The following CC2D2B variants were observed in gnomAD, a reference collection of about 807,000 sequenced individuals.
CC2D2B encodes the protein protein CC2D2B.
CC2D2B carries 128 observed loss-of-function variants against 161.2 expected under a neutral mutation model. The ratio of observed to expected loss-of-function variants is 0.79; its 90% CI spans 0.69 to 0.92. CC2D2B has a LOEUF of 0.92. CC2D2B is among the 40% of genes least tolerant of loss of function. The pLI is 0.00. For synonymous variants in CC2D2B, 391 were observed against 449.8 expected, an observed-to-expected ratio of 0.87 and a Z score of 1.65; for missense variants, 1,173 against 1,375.1, an observed-to-expected ratio of 0.85 and a Z score of 2.32.
intron 17 of CC2D2B, among the ~76,000 whole-genome samples, chr10:95,978,082 T>G (rs2077382959): frequency 6.6e-6 from 1 of 152,148 alleles, no homozygotes; most frequent in Non-Finnish European, 1.5e-5. Flanking sequence ...ATATTATGTA[T>G]CTTTAACCTT....
At chr10:96,025,211 A>ATATGTATG (rs1564684647) in intron 33 of CC2D2B, among the ~76,000 whole-genome samples, 1 of 130,188 alleles carries the variant, frequency 7.7e-6, no homozygotes, top group African/African-American at 3.0e-5. Context: ...ATATATATAT[A>ATATGTATG]TATATATATA....
In CC2D2B at chr10:96,009,541, A is replaced by G. The variant is rs912205003; in HGVS notation, c.2947-284A>G. Among the ~76,000 whole-genome samples, 68 of 152,274 alleles carry G rather than the reference A, an allele frequency of 4.5e-4. 1 individual carries two copies. Among genetic ancestry groups the G allele is most frequent in the African/African-American group, 1.6e-3 (66 of 41,562 alleles). On this transcript the variant is annotated intron_variant, in intron 25 of 34. Transcript: ENST00000646931. ...TGTAAGAGCAGGATACTATAATATA[A>G]TGCCTCCATTTCCCCTTCCTTGCAT...
At chr10:95,939,301 ATTG>A (rs1357859386) in intron 9 of CC2D2B, among the ~76,000 whole-genome samples, 2 of 152,128 alleles carry the variant, frequency 1.3e-5, no homozygotes, top group Non-Finnish European at 2.9e-5. Context: ...GGTACTCTAT[ATTG>A]TTGTGTACAG....
At chr10:95,968,037 C>T (rs781728144) in intron 14 of CC2D2B, among the ~76,000 whole-genome samples, 7 of 152,292 alleles carry the variant, frequency 4.6e-5, no homozygotes, top group Non-Finnish European at 7.4e-5. Flanking sequence ...AATTAAACAA[C>T]GAATGAAAGA....
At chr10:95,999,745 C>CT (rs746798457) in intron 24 of CC2D2B, 4,003 of 175,142 alleles carry the variant, frequency 0.023, 61 homozygotes, top group East Asian at 0.06. Flanking sequence ...GTCCAGAGGT[C>CT]TTTTTTTTTT....
At chr10:95,907,687 A>G (rs1337291423), upstream of CC2D2B, 2 of 152,436 alleles carry the variant, frequency 1.3e-5, no homozygotes, top group African/African-American at 4.8e-5. Flanking sequence ...CTTCTTCTTC[A>G]CCAGGACGAG....
chr10:95,965,358 A>G (rs971822346), intron 12 of CC2D2B, among the ~76,000 whole-genome samples: 1 of 152,120 alleles, frequency 6.6e-6, no homozygotes, highest in Non-Finnish European at 1.5e-5. Context: ...AGTAAGTACT[A>G]TATAAGGATT....
At chr10:95,920,210 A>C (rs2098524195) in intron 2 of CC2D2B, 1 of 152,220 alleles carries the variant, frequency 6.6e-6, no homozygotes. Context: ...GCACTGCTAT[A>C]AAGATAGTAC....
In CC2D2B at chr10:95,976,359, A is replaced by G. The variant is rs375986403; in HGVS notation, c.1943+2203A>G. On this transcript the variant is annotated intron_variant, in intron 17 of 34. Transcript: ENST00000646931. ...CATTGGCTTGTCTCCGTTGTCTTAC[A>G]ATTCCTATTACTTGGAAACTCAAGC... is the stretch of plus-strand genomic sequence containing the variant. Among the ~76,000 whole-genome samples, 6 of 152,330 alleles carry G rather than the reference A, an allele frequency of 3.9e-5. No homozygotes were observed. The East Asian group carries it at 1.2e-3, about 29-fold the overall frequency.
At position 95,926,840 on chromosome 10, in the gene CC2D2B, G is replaced by GTGTGTGTGTGTC. The variant is rs1230528463; in HGVS notation, c.241-390_241-389insGTGTCTGTGTGT. ...AGTGTGTGTGTGTGTGTGTGTGTGTGTGTGTGTCTGTGTGTGTGTGTGTGT... is the reference window on the plus strand; with the variant it reads ...AGTGTGTGTGTGTGTGTGTGTGTGTGTGTGTGTGTGTCTGTGTGTCTGTGTGTGTGTGTGTGT... On this transcript the variant is annotated intron_variant, in intron 5 of 34. Transcript: ENST00000646931. Among the ~76,000 whole-genome samples, 4 of 108,130 alleles carry GTGTGTGTGTGTC rather than the reference G, an allele frequency of 3.7e-5. No homozygotes were observed. The South Asian group carries it at 1.1e-3, about 30-fold the overall frequency. 70.9% of individuals were successfully genotyped at this position (108,130 alleles called of 152,430 possible).
At chr10:95,945,243 G>A (rs2076156474) in intron 9 of CC2D2B, among the ~76,000 whole-genome samples, 1 of 152,222 alleles carries the variant, frequency 6.6e-6, no homozygotes. Flanking sequence ...AACAGATCAT[G>A]TCCTAGATTT....
intron 15 of CC2D2B, among the ~76,000 whole-genome samples, chr10:95,971,358 C>T (rs1197462080): frequency 7.0e-6 from 1 of 143,752 alleles, no homozygotes; most frequent in Non-Finnish European, 1.5e-5. Context: ...CACTACAATC[C>T]AGCCTGGGCA....
chr10:95,981,749 TG>T (rs2077539219), intron 17 of CC2D2B, among the ~76,000 whole-genome samples: 1 of 152,192 alleles, frequency 6.6e-6, no homozygotes, highest in Admixed American at 6.5e-5. Context: ...ATAAGGTTAT[TG>T]TCTCTTATAA....
At chr10:96,002,593 T>C (rs1196099541) in intron 24 of CC2D2B, among the ~76,000 whole-genome samples, 2 of 152,186 alleles carry the variant, frequency 1.3e-5, no homozygotes, top group Non-Finnish European at 2.9e-5. Context: ...TAAATAAATA[T>C]TGCCTGCCCC....
chr10:96,019,187 C>CT lies in CC2D2B; in HGVS notation c.3631-10dup. ...ATTTAAATCCACCAAAAATTACTTT[C>CT]TTTTTTCTCATACAGGGGCATGTGG... is the stretch of plus-strand genomic sequence containing the variant. On this transcript the variant is annotated splice_polypyrimidine_tract_variant and intron_variant, in intron 30 of 34. Coordinates refer to ENST00000646931, the MANE Select transcript of CC2D2B (RefSeq NM_001349008.3). The CT allele has an allele frequency of 6.4e-7, 1 of 1,555,548 alleles. No individual in the cohort carries two copies. Among genetic ancestry groups the CT allele is most frequent in the Non-Finnish European group, 8.7e-7 (1 of 1,155,522 alleles).
intron 26 of CC2D2B, among the ~76,000 whole-genome samples, chr10:96,010,480 A>G (rs1377505999): frequency 6.6e-6 from 1 of 152,190 alleles, no homozygotes; most frequent in Admixed American, 6.5e-5. Context: ...AAATGTGAAA[A>G]TTCAGAAATG....
At position 96,012,541 on chromosome 10, in the gene CC2D2B, C is replaced by G; in HGVS notation, c.3238C>G (p.Gln1080Glu). ...TTACATTTTATTGTAGTTTTTAGAT[C>G]AAACAGAGGTCTTGCAGAGAGCACA... ...CNPTLDKFLD[Q>E]TEVLQRAQIF... Residue 1080 changes from glutamine (Q) to glutamate (E), a missense_variant, in exon 28 of 35, where the codon CAA becomes GAA. Gln to Glu is a conservative substitution (Grantham distance 29). Coordinates refer to ENST00000646931, the MANE Select transcript of CC2D2B (RefSeq NM_001349008.3). 1 of 1,606,224 alleles carries G rather than the reference C, an allele frequency of 6.2e-7. No homozygotes were observed. The highest frequency in any genetic ancestry group is 8.5e-7 in the Non-Finnish European group (1 of 1,173,444).
intron 18 of CC2D2B, 92 bp from the exon 19 acceptor site, chr10:95,983,514 A>G (rs532254836): frequency 1.9e-5 from 9 of 484,970 alleles, no homozygotes; most frequent in Admixed American, 1.8e-4. Context: ...TTATATTGCC[A>G]CTCAGATCTC....
chr10:95,932,789 C>G (rs1260959269), intron 6 of CC2D2B, among the ~76,000 whole-genome samples: 9 of 152,142 alleles, frequency 5.9e-5, no homozygotes. Context: ...GTAACTTGAC[C>G]TTTCTCTCTG....
Sources: gnomAD v4.1 joint callset for allele counts (sites outside exome capture counted in the v4.1 genomes callset) on GRCh38, gnomAD v4.1.1 for gene constraint, MANE v1.5 for transcripts, NCBI Gene and HGNC (gene_info 2026-07-23, HGNC 2026-07-21) for gene names.